Variants in ANKS1B observed in about 807,000 individuals in gnomAD.
The protein encoded by ANKS1B is ankyrin repeat and sterile alpha motif domain containing 1B, also known as ankyrin repeat and sterile alpha motif domain-containing protein 1B.
A neutral mutation model predicts 148.3 loss-of-function variants in ANKS1B; 36 were observed. That is an observed-to-expected ratio of 0.24 (90% CI 0.19 to 0.32). The LOEUF (loss-of-function observed/expected upper bound fraction) is 0.32. ANKS1B is among the 10% of genes least tolerant of loss of function. The pLI is 1.00. For missense variants in ANKS1B, 1,157 were observed against 1,542.6 expected (o/e 0.75, Z 4.19); for synonymous variants, 542 against 560.8 (o/e 0.97, Z 0.47).
At chr12:99,192,456 A>G (rs1222119143) in intron 14 of ANKS1B, among the ~76,000 whole-genome samples, 1 of 152,162 alleles carries the variant, frequency 6.6e-6, no homozygotes, top group Non-Finnish European at 1.5e-5. Flanking sequence ...ACAAATTTGT[A>G]CTATCTGAAA....
intron 14 of ANKS1B, among the ~76,000 whole-genome samples, chr12:99,222,655 C>T (rs552387329): frequency 6.6e-6 from 1 of 152,274 alleles, no homozygotes; most frequent in South Asian, 2.1e-4. Context: ...TCTTATATGA[C>T]ATCTCATACT....
chr12:99,297,145 G>A (rs571230835), intron 12 of ANKS1B, among the ~76,000 whole-genome samples: 2 of 152,048 alleles, frequency 1.3e-5, no homozygotes, highest in East Asian at 3.9e-4. Context: ...ACAGATAAAA[G>A]GCAGAAAGTT....
At chr12:99,648,184 T>A (rs775600923) in intron 9 of ANKS1B, 1 of 1,612,394 alleles carries the variant, frequency 6.2e-7, no homozygotes, top group Admixed American at 1.7e-5. Context: ...CATGGAGGAC[T>A]GCTGTATGCT....
At chr12:99,203,575 C>T (rs2082314474) in intron 14 of ANKS1B, among the ~76,000 whole-genome samples, 1 of 152,000 alleles carries the variant, frequency 6.6e-6, no homozygotes, top group African/African-American at 2.4e-5. Context: ...CTCAGCCTCC[C>T]AAGTAGCTGG....
chr12:99,204,715 G>T (rs1450051996), intron 14 of ANKS1B, among the ~76,000 whole-genome samples: 1 of 152,180 alleles, frequency 6.6e-6, no homozygotes, highest in African/African-American at 2.4e-5. Flanking sequence ...TGCTGGAAGG[G>T]TTTGCATTAC....
At position 99,597,322 on chromosome 12, in the gene ANKS1B, T is replaced by C. The variant is rs138025777; in HGVS notation, c.1272+57745A>G. On this transcript the variant is annotated intron_variant, in intron 9 of 26. Transcript: ENST00000683438. ...TACATTAAATGTACACACACTGTTA[T>C]ACCTTTTACTAAATAGTTTTGTGAA... Among the ~76,000 whole-genome samples, 4 of 152,076 alleles carry C rather than the reference T, an allele frequency of 2.6e-5. No individual in the cohort carries two copies. In the East Asian group the frequency reaches 7.7e-4, roughly 29 times the overall value.
chr12:99,411,061 C>T (rs2094686634), intron 11 of ANKS1B, among the ~76,000 whole-genome samples: 1 of 152,126 alleles, frequency 6.6e-6, no homozygotes, highest in Non-Finnish European at 1.5e-5. Context: ...GTTGGAGGAG[C>T]AGGTGGAAAA....
chr12:99,698,454 C>T (rs925019607), intron 8 of ANKS1B, among the ~76,000 whole-genome samples: 6 of 151,776 alleles, frequency 4.0e-5, no homozygotes, highest in East Asian at 1.9e-4. Context: ...AGTAAATAGG[C>T]GGTTACACTG....
At chr12:99,483,432 C>T (rs2152941488) in intron 10 of ANKS1B, among the ~76,000 whole-genome samples, 1 of 151,986 alleles carries the variant, frequency 6.6e-6, no homozygotes, top group African/African-American at 2.4e-5. Context: ...CATCTACGTT[C>T]ATCAGGGTAA....
chr12:99,437,014 G>A (rs1457489096), intron 11 of ANKS1B, among the ~76,000 whole-genome samples: 1 of 151,982 alleles, frequency 6.6e-6, no homozygotes, highest in East Asian at 1.9e-4. Flanking sequence ...GGTGAGGTTT[G>A]GATGGTACTA....
chr12:99,372,360 G>T (rs910228576), intron 12 of ANKS1B, among the ~76,000 whole-genome samples: 1 of 151,936 alleles, frequency 6.6e-6, no homozygotes, highest in African/African-American at 2.4e-5. Context: ...GAACTTAAGG[G>T]TTTAAAATCA....
At chr12:98,778,054 G>C (rs964572844) in intron 24 of ANKS1B, among the ~76,000 whole-genome samples, 7 of 152,222 alleles carry the variant, frequency 4.6e-5, no homozygotes, top group Admixed American at 4.6e-4. Context: ...ACTGAGCCAA[G>C]GGACTGAGGC....
At chr12:99,360,116 G>A (rs1040584302) in intron 12 of ANKS1B, among the ~76,000 whole-genome samples, 1 of 152,088 alleles carries the variant, frequency 6.6e-6, no homozygotes, top group Non-Finnish European at 1.5e-5. Context: ...ACTTCTCAGA[G>A]AATACCTAAT....
chr12:99,593,937 CA>C (rs1455668141), intron 9 of ANKS1B, among the ~76,000 whole-genome samples: 1 of 151,960 alleles, frequency 6.6e-6, no homozygotes, highest in Non-Finnish European at 1.5e-5. Context: ...TGCTGACAAG[CA>C]GCTGGTGCAG....
intron 1 of ANKS1B, among the ~76,000 whole-genome samples, chr12:99,863,295 C>T (rs111923753): frequency 0.078 from 11,902 of 152,156 alleles, 548 homozygotes; most frequent in South Asian, 0.12. Context: ...TTCTCCTAAA[C>T]CTGAAAAAAA....
In ANKS1B at chr12:99,246,375, T is replaced by A; in HGVS notation, c.2246A>T (p.Glu749Val). The A allele has an allele frequency of 1.9e-6, 3 of 1,613,908 alleles. No individual in the cohort carries two copies. The highest frequency in any genetic ancestry group is 2.5e-6 in the Non-Finnish European group (3 of 1,179,848). Reference sequence around the variant, plus strand: ...ACTCCAGTTAACTCTTGATGTTTTCTCATTGGAAGGATAGGCAATGAGATC... The same window carrying A: ...ACTCCAGTTAACTCTTGATGTTTTCACATTGGAAGGATAGGCAATGAGATC... ...DSDLIAYPSN[E>V]KTSRVNWSES... Residue 749 changes from glutamate to valine, a missense_variant, in exon 13 of 27, where the codon GAG becomes GTG. Around this residue, in one of 6 missense-constraint regions of ANKS1B, gnomAD observed 661 missense variants for 642.1 expected, o/e 1.03. Transcript: ENST00000683438.
intron 5 of ANKS1B, 36 bp from the exon 6 acceptor site, chr12:99,780,008 A>G: frequency 7.3e-7 from 1 of 1,366,864 alleles, no homozygotes; most frequent in Non-Finnish European, 1.0e-6. Context: ...GATATACACC[A>G]CTGAAGTATC....
At chr12:99,423,179 G>T (rs996711205) in intron 11 of ANKS1B, among the ~76,000 whole-genome samples, 2 of 151,954 alleles carry the variant, frequency 1.3e-5, no homozygotes, top group Non-Finnish European at 2.9e-5. Context: ...AGTGTTAAGG[G>T]CCCAGAAGAG....
chr12:99,926,459 T>C (rs1390188839), intron 1 of ANKS1B, among the ~76,000 whole-genome samples: 2 of 152,238 alleles, frequency 1.3e-5, no homozygotes, highest in East Asian at 3.8e-4. Context: ...GAAAAAATTC[T>C]TCCAGCCCAA....
Sources: gnomAD v4.1 joint callset for allele counts (sites outside exome capture counted in the v4.1 genomes callset) on GRCh38, gnomAD v4.1.1 for gene constraint, gnomAD v4.1.1 regional missense constraint, MANE v1.5 for transcripts, NCBI Gene and HGNC (gene_info 2026-07-23, HGNC 2026-07-21) for gene names.